DCC: variants seen among roughly 807,000 people sequenced by gnomAD.
DCC encodes the protein DCC netrin 1 receptor, also known as netrin receptor DCC.
A neutral mutation model predicts 172.5 loss-of-function variants in DCC; 58 were observed. That is an observed-to-expected ratio of 0.34 (90% CI 0.27 to 0.42). DCC has a LOEUF of 0.42. DCC is among the 10% of genes least tolerant of loss of function. The pLI is 1.00. For missense variants in DCC, 1,740 were observed against 1,791.0 expected, an observed-to-expected ratio of 0.97 and a Z score of 0.51; for synonymous variants, 709 against 644.5, an observed-to-expected ratio of 1.10 and a Z score of -1.52.
At chr18:53,015,998 G>A (rs2041803492) in intron 5 of DCC, among the ~76,000 whole-genome samples, 1 of 152,038 alleles carries the variant, frequency 6.6e-6, no homozygotes, top group Non-Finnish European at 1.5e-5. Flanking sequence ...CATAATCCAA[G>A]TTTACTACTA....
chr18:52,440,484 G>A (rs1229020137), intron 1 of DCC, among the ~76,000 whole-genome samples: 2 of 152,186 alleles, frequency 1.3e-5, no homozygotes, highest in Non-Finnish European at 2.9e-5. Flanking sequence ...GAATTATAGG[G>A]ATGACATTTA....
intron 2 of DCC, among the ~76,000 whole-genome samples, chr18:52,792,188 T>TTG (rs1568106563): frequency 6.6e-6 from 1 of 151,480 alleles, no homozygotes. Context: ...ATGCTCACTG[T>TTG]GGGGGGTGCG....
intron 2 of DCC, among the ~76,000 whole-genome samples, chr18:52,898,589 G>A (rs1168351250): frequency 6.6e-6 from 1 of 152,152 alleles, no homozygotes; most frequent in African/African-American, 2.4e-5. Context: ...TTGGGTGGAA[G>A]GGTAGGGAGA....
chr18:52,746,998 T>C (rs776858610), intron 1 of DCC, among the ~76,000 whole-genome samples: 1 of 151,660 alleles, frequency 6.6e-6, no homozygotes, highest in Non-Finnish European at 1.5e-5. Context: ...GAAGGCCCAA[T>C]GATGATCTGA....
chr18:52,939,721 T>TATCATCATTTTCATCATCATCATC (rs1490207900), intron 5 of DCC, among the ~76,000 whole-genome samples: 2 of 152,154 alleles, frequency 1.3e-5, no homozygotes, highest in African/African-American at 4.8e-5. Context: ...GGCTCCTCAT[T>TATCATCATTTTCATCATCATCATC]ATCATCATTT....
At chr18:52,857,871 C>T (rs1213351877) in intron 2 of DCC, among the ~76,000 whole-genome samples, 1 of 152,086 alleles carries the variant, frequency 6.6e-6, no homozygotes, top group Non-Finnish European at 1.5e-5. Context: ...AAATAATAAT[C>T]TCCTCATAAT....
At position 53,422,035 on chromosome 18, in the gene DCC, TCATGTCATA is replaced by T. The variant is rs1254617336; in HGVS notation, c.3163+5881_3163+5889del. Among the ~76,000 whole-genome samples the T allele has an allele frequency of 2.0e-5, 3 of 152,226 alleles. No individual in the cohort carries two copies. In the South Asian group the frequency reaches 6.2e-4, roughly 32 times the overall value. ...AGTTGATTATACAAAATGGAGTCAC[TCATGTCATA>T]CCCAACTAAAATGGAGTCAGGAGGT... On this transcript the variant is annotated intron_variant, in intron 21 of 28. Transcript: ENST00000442544.
intron 1 of DCC, among the ~76,000 whole-genome samples, chr18:52,417,517 C>T (rs1479963438): frequency 6.6e-6 from 1 of 152,170 alleles, no homozygotes; most frequent in Non-Finnish European, 1.5e-5. Flanking sequence ...ACCAATCAGA[C>T]ATAGATTTGG....
intron 5 of DCC, among the ~76,000 whole-genome samples, chr18:53,047,428 CAT>C (rs58797605): frequency 0.14 from 6,761 of 49,912 alleles, 434 homozygotes; most frequent in Admixed American, 0.26. Context: ...ATATATTTTA[CAT>C]ATATATATAT....
chr18:52,465,812 A>G (rs1988769064), intron 1 of DCC, among the ~76,000 whole-genome samples: 2 of 150,308 alleles, frequency 1.3e-5, no homozygotes, highest in South Asian at 4.2e-4. Flanking sequence ...AAGATGGGTC[A>G]CAATAACAAG....
intron 2 of DCC, among the ~76,000 whole-genome samples, chr18:52,792,189 G>T (rs183965739): frequency 1.4e-5 from 2 of 139,690 alleles, no homozygotes; most frequent in South Asian, 2.2e-4. Flanking sequence ...TGCTCACTGT[G>T]GGGGGTGCGA....
intron 1 of DCC, among the ~76,000 whole-genome samples, chr18:52,604,198 C>T (rs2034081811): frequency 6.6e-6 from 1 of 152,078 alleles, no homozygotes. Context: ...ATTTGATGCT[C>T]TCGGTATTCT....
chr18:53,033,160 T>C (rs566394650), intron 5 of DCC, among the ~76,000 whole-genome samples: 58 of 152,182 alleles, frequency 3.8e-4, no homozygotes, highest in Non-Finnish European at 4.4e-4. Flanking sequence ...CAGACTTCAG[T>C]TGGAGTGTAA....
intron 1 of DCC, among the ~76,000 whole-genome samples, chr18:52,526,879 G>C (rs1292066122): frequency 1.3e-5 from 2 of 152,130 alleles, no homozygotes; most frequent in African/African-American, 4.8e-5. Flanking sequence ...TGCTCTCTCT[G>C]TATTAATCTC....
At chr18:53,235,842 C>G (rs2056195065) in intron 12 of DCC, among the ~76,000 whole-genome samples, 1 of 152,066 alleles carries the variant, frequency 6.6e-6, no homozygotes, top group South Asian at 2.1e-4. Flanking sequence ...TTTGCCTATT[C>G]CAAGCACTTC....
rs372962156 is a variant in DCC, at chr18:52,827,683, A to G, written c.412+75309A>G. Among the ~76,000 whole-genome samples, 17 of 152,332 alleles carry G rather than the reference A, an allele frequency of 1.1e-4. No individual in the cohort carries two copies. In the South Asian group the frequency reaches 2.3e-3, roughly 20 times the overall value. ...TCCACACAATAGCTCTTCTACTACT[A>G]TTTGCAGACAATGGCAGGCACTTGC... On this transcript the variant is annotated intron_variant, in intron 2 of 28. Coordinates refer to ENST00000442544, the MANE Select transcript of DCC (RefSeq NM_005215.4).
chr18:52,897,328 G>C (rs925047659), intron 2 of DCC, among the ~76,000 whole-genome samples: 27 of 152,204 alleles, frequency 1.8e-4, no homozygotes, highest in African/African-American at 6.0e-4. Context: ...TGCTAAGCTT[G>C]CAGAGCTGGA....
intron 9 of DCC, among the ~76,000 whole-genome samples, chr18:53,179,893 C>T (rs1568350156): frequency 1.3e-5 from 2 of 152,272 alleles, no homozygotes; most frequent in Non-Finnish European, 2.9e-5. Flanking sequence ...AATTTAAAAT[C>T]AAAATGAAAT....
chr18:53,339,040 A>G (rs1599038814), intron 14 of DCC, among the ~76,000 whole-genome samples: 1 of 152,224 alleles, frequency 6.6e-6, no homozygotes, highest in Non-Finnish European at 1.5e-5. Context: ...ATCAGAAGGG[A>G]AACTCAGAGA....
Sources: allele counts gnomAD v4.1 joint callset (sites outside exome capture counted in the v4.1 genomes callset), GRCh38; gene constraint gnomAD v4.1.1; transcripts MANE v1.5; gene names NCBI Gene and HGNC (gene_info 2026-07-23, HGNC 2026-07-21).